Variants in PRICKLE2 observed in about 807,000 individuals in gnomAD.
PRICKLE2 encodes the protein prickle planar cell polarity protein 2, also known as prickle-like protein 2.
A neutral mutation model predicts 81.4 loss-of-function variants in PRICKLE2; 21 were observed. That is an observed-to-expected ratio of 0.26 (90% CI 0.18 to 0.37). The LOEUF (loss-of-function observed/expected upper bound fraction) is 0.37. Ranked by LOEUF, PRICKLE2 falls within the 10% of genes least tolerant of loss-of-function variation. PRICKLE2 has a pLI of 1.00. For synonymous variants in PRICKLE2, 456 were observed against 421.5 expected (o/e 1.08, Z -1.00); for missense variants, 940 against 1,109.0 (o/e 0.85, Z 2.16).
chr3:64,108,371 C>A (rs1360158478), intron 7 of PRICKLE2, among the ~76,000 whole-genome samples: 1 of 152,154 alleles, frequency 6.6e-6, no homozygotes, highest in Admixed American at 6.5e-5. Flanking sequence ...GATCCTTTCT[C>A]CAACTAAGTC....
chr3:64,133,773 C>T (rs916405988), intron 7 of PRICKLE2, among the ~76,000 whole-genome samples: 1 of 152,174 alleles, frequency 6.6e-6, no homozygotes, highest in Non-Finnish European at 1.5e-5. Flanking sequence ...AGACAAGGCT[C>T]ATCTTTCTGG....
At chr3:64,261,224 C>T (rs955425441) in intron 2 of PRICKLE2, among the ~76,000 whole-genome samples, 1 of 152,094 alleles carries the variant, frequency 6.6e-6, no homozygotes, top group Non-Finnish European at 1.5e-5. Flanking sequence ...ATCTCTACAA[C>T]CCCCAGGAAG....
At chr3:64,124,660 A>T (rs1399144490) in intron 7 of PRICKLE2, among the ~76,000 whole-genome samples, 1 of 152,202 alleles carries the variant, frequency 6.6e-6, no homozygotes, top group Non-Finnish European at 1.5e-5. Flanking sequence ...TGCTGTATAT[A>T]TGAAACAACA....
chr3:64,197,668 G>A (rs992283222), intron 2 of PRICKLE2, among the ~76,000 whole-genome samples: 3 of 152,112 alleles, frequency 2.0e-5, no homozygotes, highest in Non-Finnish European at 4.4e-5. Flanking sequence ...TGGACACATA[G>A]TGGGGAACAA....
chr3:64,198,891 T>C lies in PRICKLE2; in HGVS notation c.37A>G (p.Ile13Val). 6.2e-7 allele frequency: 1 copy of C among 1,614,230 alleles called. No individual in the cohort carries two copies. The highest frequency in any genetic ancestry group is 2.2e-5 in the East Asian group (1 of 44,884). Reference sequence around the variant, plus strand: ...TGAAAGTCAAACATGAGTTTGCTGATGGTCTTCTCCATCTCCAGCGGCATC... The same window carrying C: ...TGAAAGTCAAACATGAGTTTGCTGACGGTCTTCTCCATCTCCAGCGGCATC... ...TVMPLEMEKT[I>V]SKLMFDFQRN... is the part of the protein sequence containing the mutation. Residue 13 changes from isoleucine to valine, a missense_variant, in exon 2 of 8, where the codon ATC (isoleucine) becomes GTC (valine). Around this residue, in one of 2 missense-constraint regions of PRICKLE2, gnomAD observed 270 missense variants for 391.8 expected, o/e 0.69. Transcript: ENST00000638394.
intron 3 of PRICKLE2, among the ~76,000 whole-genome samples, 195 bp from the exon 4 acceptor site, chr3:64,160,272 C>T (rs1371165679): frequency 6.6e-6 from 1 of 152,154 alleles, no homozygotes; most frequent in African/African-American, 2.4e-5. Context: ...AGATTGCGGA[C>T]AGCCAAAAGA....
chr3:64,118,766 A>G (rs2076979677), intron 7 of PRICKLE2, among the ~76,000 whole-genome samples: 1 of 152,190 alleles, frequency 6.6e-6, no homozygotes, highest in Non-Finnish European at 1.5e-5. Context: ...GAATGCTTGT[A>G]CACTCTTGGT....
intron 6 of PRICKLE2, among the ~76,000 whole-genome samples, chr3:64,152,165 C>T (rs2077558387): frequency 6.6e-6 from 1 of 152,136 alleles, no homozygotes; most frequent in Admixed American, 6.6e-5. Flanking sequence ...CTGATAAAAC[C>T]TTTTAAGTGG....
At chr3:64,105,947 T>C (rs2076748461) in intron 7 of PRICKLE2, 1 of 152,250 alleles carries the variant, frequency 6.6e-6, no homozygotes, top group Non-Finnish European at 1.5e-5. Flanking sequence ...ATATCTTTCC[T>C]TTTTAAGGTT....
At chr3:64,151,693 G>A (rs968824814) in intron 6 of PRICKLE2, among the ~76,000 whole-genome samples, 1 of 152,164 alleles carries the variant, frequency 6.6e-6, no homozygotes, top group African/African-American at 2.4e-5. Flanking sequence ...TCAAGACATT[G>A]CACCATTTTC....
chr3:64,167,352 T>C (rs1324335152), intron 2 of PRICKLE2, among the ~76,000 whole-genome samples: 9 of 152,242 alleles, frequency 5.9e-5, no homozygotes, highest in Non-Finnish European at 1.0e-4. Flanking sequence ...CTTTGCTCCA[T>C]TTAGACATTC....
intron 2 of PRICKLE2, among the ~76,000 whole-genome samples, chr3:64,237,233 A>G (rs989061533): frequency 2.4e-4 from 36 of 152,192 alleles, no homozygotes; most frequent in African/African-American, 8.7e-4. Context: ...CTTAAGTGTT[A>G]GCTCAGTGGA....
chr3:64,099,117 T>C lies in PRICKLE2; in HGVS notation c.2469A>G (p.Thr823=), dbSNP rs2076611673. 8 of 1,614,168 alleles carry C rather than the reference T, an allele frequency of 5.0e-6. No homozygotes were observed. Among genetic ancestry groups the C allele is most frequent in the Non-Finnish European group, 6.8e-6 (8 of 1,180,000 alleles). The part of the protein sequence containing the change: ...YSSYGLPKSS[T]LGGRGQLHSR... ...TGTGCAACTGTCCTCTGCCACCTAA[T>C]GTGGAAGATTTGGGGAGGCCGTAGG... Residue 823 remains threonine (T), a synonymous_variant, in exon 8 of 8, where the codon ACA becomes ACG. Coordinates refer to ENST00000638394, the MANE Select transcript of PRICKLE2 (RefSeq NM_198859.4). The surrounding 1 kb of genome is among the most constrained non-coding windows in gnomAD (Gnocchi z 4.3).
chr3:64,263,141 T>A (rs949690092), intron 2 of PRICKLE2, among the ~76,000 whole-genome samples: 3 of 152,220 alleles, frequency 2.0e-5, no homozygotes, highest in Admixed American at 2.0e-4. Flanking sequence ...GTTTTCTTTT[T>A]TAGAAGAGCA....
chr3:64,207,610 G>A lies in PRICKLE2; in HGVS notation c.-40-8643C>T, dbSNP rs554197243. ...CAGATAAGCGGGTCTGTTCTGAACT[G>A]GTGCCCTGCAGCAGGATCAACAATC... is the stretch of plus-strand genomic sequence containing the variant. On this transcript the variant is annotated intron_variant, in intron 1 of 7. Transcript: ENST00000638394. Among the ~76,000 whole-genome samples the A allele has an allele frequency of 4.4e-4, 67 of 152,174 alleles. 1 individual carries two copies. Among genetic ancestry groups the A allele is most frequent in the Non-Finnish European group, 8.1e-4 (55 of 68,004 alleles).
rs1207977216 is a variant in PRICKLE2, at chr3:64,120,891, G to A, written c.1661-20966C>T. Among the ~76,000 whole-genome samples, 11 of 152,284 alleles carry A rather than the reference G, an allele frequency of 7.2e-5. No homozygotes were observed. The East Asian group carries it at 1.7e-3, about 24-fold the overall frequency. Reference sequence around the variant, plus strand: ...TGTCCTACTTCTCCCTTCAGCAAAAGTGAAGCTGCCACGAACCCATTATCC... The same window carrying A: ...TGTCCTACTTCTCCCTTCAGCAAAAATGAAGCTGCCACGAACCCATTATCC... On this transcript the variant is annotated intron_variant, in intron 7 of 7. Coordinates refer to ENST00000638394, the MANE Select transcript of PRICKLE2 (RefSeq NM_198859.4).
At chr3:64,135,839 A>T (rs9846382) in intron 7 of PRICKLE2, among the ~76,000 whole-genome samples, 2,275 of 152,294 alleles carry the variant, frequency 0.015, 57 homozygotes, top group African/African-American at 0.05. Flanking sequence ...AAACAATCAA[A>T]CACACAACAA....
intron 2 of PRICKLE2, among the ~76,000 whole-genome samples, chr3:64,187,840 T>C (rs547038413): frequency 8.5e-5 from 13 of 152,356 alleles, no homozygotes; most frequent in African/African-American, 2.9e-4. Context: ...CGCCTGGCAC[T>C]GTGGCCCCAG....
chr3:64,196,012 T>C (rs1322534328), intron 2 of PRICKLE2, among the ~76,000 whole-genome samples: 2 of 152,212 alleles, frequency 1.3e-5, no homozygotes, highest in Non-Finnish European at 2.9e-5. Flanking sequence ...ATGGCACTAA[T>C]GACTTTCTTT....
Sources: allele counts gnomAD v4.1 joint callset (sites outside exome capture counted in the v4.1 genomes callset), GRCh38; gene constraint gnomAD v4.1.1; regional missense constraint gnomAD v4.1.1; non-coding constraint Gnocchi (gnomAD v3.1); transcripts MANE v1.5; gene names NCBI Gene and HGNC (gene_info 2026-07-23, HGNC 2026-07-21).